Variants in IL1RAPL1 observed in about 807,000 individuals in gnomAD.
IL1RAPL1 encodes the protein interleukin-1 receptor accessory protein-like 1.
IL1RAPL1 carries 3 observed loss-of-function variants against 48.4 expected under a neutral mutation model. The ratio of observed to expected loss-of-function variants is 0.06; its 90% CI spans 0.03 to 0.16. The LOEUF (loss-of-function observed/expected upper bound fraction) is 0.16, where lower values mean the gene tolerates loss of function less well. IL1RAPL1 is among the 10% of genes least tolerant of loss of function. The probability of loss-of-function intolerance (pLI) is 1.00; values close to 1 mark genes in which losing one functional copy is unlikely to be tolerated. For synonymous variants in IL1RAPL1, 185 were observed against 187.7 expected, an observed-to-expected ratio of 0.99 and a Z score of 0.12; for missense variants, 349 against 530.6, an observed-to-expected ratio of 0.66 and a Z score of 3.36.
rs762681442 is a variant in IL1RAPL1 at position 29,233,272 on chromosome X, C to T, written c.83-49666C>T. 1.3e-4 allele frequency among the ~76,000 whole-genome samples: 14 copies of T among 110,801 alleles called. No homozygotes were observed. In the South Asian group the frequency reaches 5.4e-3, roughly 43 times the overall value. ...TAACTTCCAGGTTTTCTTCCCCCAG[C>T]GCTACATCTTTTCTTCTCTTCTCCA... On this transcript the variant is annotated intron_variant, in intron 2 of 10. Transcript: ENST00000378993.
chrX:29,322,617 A>G lies in IL1RAPL1; in HGVS notation c.362+39400A>G, dbSNP rs775149587. 7.2e-4 allele frequency among the ~76,000 whole-genome samples: 81 copies of G among 111,899 alleles called. 1 individual carries two copies. The highest frequency in any genetic ancestry group is 2.5e-3 in the African/African-American group (78 of 30,818). On this transcript the variant is annotated intron_variant, in intron 3 of 10. Coordinates refer to ENST00000378993, the MANE Select transcript of IL1RAPL1 (RefSeq NM_014271.4). ...ATCTGTGTCAGTTAGCTTTGGCTAC[A>G]TAATAAACTACTCTAAAACTGAATG...
intron 2 of IL1RAPL1, among the ~76,000 whole-genome samples, chrX:29,010,587 T>A (rs1602010181): frequency 8.9e-6 from 1 of 112,410 alleles, no homozygotes; most frequent in East Asian, 2.8e-4. Context: ...ACATGATCTC[T>A]AATTTTTGTA....
chrX:28,935,051 A>G (rs895338952), intron 2 of IL1RAPL1, among the ~76,000 whole-genome samples: 2 of 112,084 alleles, frequency 1.8e-5, no homozygotes, highest in African/African-American at 3.2e-5. Flanking sequence ...TATTATAGCC[A>G]TAACTGTTTT....
At chrX:29,609,679 C>T in intron 5 of IL1RAPL1, among the ~76,000 whole-genome samples, 1 of 112,274 alleles carries the variant, frequency 8.9e-6, no homozygotes, top group Non-Finnish European at 1.9e-5. Flanking sequence ...TTCTGGAATG[C>T]ATCAATATAA....
intron 6 of IL1RAPL1, among the ~76,000 whole-genome samples, chrX:29,722,499 A>C (rs1405750235): frequency 2.7e-5 from 3 of 111,988 alleles, no homozygotes; most frequent in Non-Finnish European, 5.6e-5. Flanking sequence ...AATGAGTAAC[A>C]CATTTTTAAC....
intron 2 of IL1RAPL1, among the ~76,000 whole-genome samples, chrX:29,185,239 G>A (rs139213472): frequency 0.012 from 1,319 of 112,322 alleles, 14 homozygotes; most frequent in African/African-American, 0.04. Flanking sequence ...ATATTCAATT[G>A]ACTGGAAACA....
At chrX:29,543,692 C>T (rs919916721) in intron 5 of IL1RAPL1, among the ~76,000 whole-genome samples, 3 of 110,886 alleles carry the variant, frequency 2.7e-5, no homozygotes, top group South Asian at 3.8e-4. Flanking sequence ...GTACCTGTTT[C>T]GTAGTTGAAT....
intron 1 of IL1RAPL1, among the ~76,000 whole-genome samples, chrX:28,715,528 A>G (rs1935494270): frequency 9.0e-6 from 1 of 111,554 alleles, no homozygotes; most frequent in Admixed American, 9.5e-5. Flanking sequence ...AAATACAAAC[A>G]ACCATCAGAA....
chrX:29,689,286 G>A (rs1361446079), intron 6 of IL1RAPL1, among the ~76,000 whole-genome samples: 4 of 111,790 alleles, frequency 3.6e-5, no homozygotes, highest in African/African-American at 1.3e-4. Context: ...ACAGTGCTCA[G>A]CATTGCAGGT....
At chrX:29,485,763 T>G (rs1935088557) in intron 5 of IL1RAPL1, among the ~76,000 whole-genome samples, 1 of 111,598 alleles carries the variant, frequency 9.0e-6, no homozygotes, top group Non-Finnish European at 1.9e-5. Context: ...AAATTGTGAA[T>G]TAGAGCAAGT....
At chrX:29,045,938 T>C (rs1367973342) in intron 2 of IL1RAPL1, among the ~76,000 whole-genome samples, 8 of 39,763 alleles carry the variant, frequency 2.0e-4, no homozygotes, top group Non-Finnish European at 2.9e-4. Flanking sequence ...CTCCTCCTCC[T>C]TCTTCCTCCT....
intron 3 of IL1RAPL1, among the ~76,000 whole-genome samples, chrX:29,393,830 A>G (rs1240963470): frequency 2.7e-5 from 3 of 110,581 alleles, no homozygotes; most frequent in Non-Finnish European, 3.8e-5. Flanking sequence ...AGGTTAATGT[A>G]GATAATTTTT....
chrX:29,613,804 C>T (rs1352671021), intron 5 of IL1RAPL1, among the ~76,000 whole-genome samples: 4 of 93,399 alleles, frequency 4.3e-5, no homozygotes, highest in Non-Finnish European at 8.3e-5. Flanking sequence ...CGCTCTGTTG[C>T]CCAGGCTGGA....
chrX:29,302,373 T>C (rs1051965510), intron 3 of IL1RAPL1, among the ~76,000 whole-genome samples: 1 of 111,910 alleles, frequency 8.9e-6, no homozygotes, highest in Non-Finnish European at 1.9e-5. Flanking sequence ...ATAGATGTGA[T>C]GTGTAATTCA....
At chrX:29,425,913 G>A (rs1347914663) in intron 5 of IL1RAPL1, among the ~76,000 whole-genome samples, 1 of 111,558 alleles carries the variant, frequency 9.0e-6, no homozygotes, top group East Asian at 2.8e-4. Flanking sequence ...CTACCCTGAA[G>A]ACATCTCAAC....
In IL1RAPL1 at chrX:29,013,198, T is replaced by TAA. The variant is rs367692415; in HGVS notation, c.82+223786_82+223787dup. On this transcript the variant is annotated intron_variant, in intron 2 of 10. Coordinates refer to ENST00000378993, the MANE Select transcript of IL1RAPL1 (RefSeq NM_014271.4). ...GTCAGGATGGCTATTATTAAAAAGTTAAAAAAAAAAAAAACAATAGATGCT... is the reference window on the plus strand; with the variant it reads ...GTCAGGATGGCTATTATTAAAAAGTTAAAAAAAAAAAAAAAACAATAGATGCT... Among the ~76,000 whole-genome samples, 483 of 97,263 alleles carry TAA rather than the reference T, an allele frequency of 5.0e-3. 1 individual carries two copies. The highest frequency in any genetic ancestry group is 0.013 in the African/African-American group (350 of 26,711). The allele number at this position is 97,263 out of a possible 115,157, so 84.5% of individuals were successfully genotyped here. A position where few individuals can be genotyped will look rare whatever the true frequency, so the allele number is the denominator to read the frequency against.
At chrX:29,301,885 C>A (rs983215197) in intron 3 of IL1RAPL1, among the ~76,000 whole-genome samples, 3 of 110,926 alleles carry the variant, frequency 2.7e-5, no homozygotes, top group African/African-American at 9.8e-5. Context: ...GATCTTTCTT[C>A]CCAGAGAAAT....
intron 5 of IL1RAPL1, among the ~76,000 whole-genome samples, chrX:29,413,818 G>C (rs189227623): frequency 9.1e-6 from 1 of 110,388 alleles, no homozygotes; most frequent in African/African-American, 3.3e-5. Context: ...ACTAACAAAT[G>C]AATTTCAATG....
At chrX:29,238,205 T>TTA (rs748860550) in intron 2 of IL1RAPL1, among the ~76,000 whole-genome samples, 1 of 111,863 alleles carries the variant, frequency 8.9e-6, no homozygotes, top group African/African-American at 3.3e-5. Flanking sequence ...AGGACAGAGT[T>TTA]TATAAATAGC....
Sources: gnomAD v4.1 joint callset for allele counts (sites outside exome capture counted in the v4.1 genomes callset) on GRCh38, gnomAD v4.1.1 for gene constraint, MANE v1.5 for transcripts, NCBI Gene and HGNC (gene_info 2026-07-23, HGNC 2026-07-21) for gene names.